Variants in NDST4 observed in about 807,000 individuals in gnomAD.
NDST4 encodes the protein N-heparan sulfate sulfotransferase 4.
Under a neutral mutation model 100.8 loss-of-function variants are expected in NDST4, and 63 were observed. That is an observed-to-expected ratio of 0.62 (90% CI 0.51 to 0.77). The LOEUF is 0.77. Among genes scored for constraint, NDST4 ranks in the 30% least tolerant of loss-of-function variants. The pLI is 0.00. For synonymous variants in NDST4, 377 were observed against 361.8 expected, an observed-to-expected ratio of 1.04 and a Z score of -0.48; for missense variants, 943 against 1,018.4, an observed-to-expected ratio of 0.93 and a Z score of 1.01.
At position 114,916,320 on chromosome 4, in the gene NDST4, G is replaced by A. The variant is rs554088296; in HGVS notation, c.1536+18886C>T. 3.5e-3 allele frequency among the ~76,000 whole-genome samples: 533 copies of A among 152,142 alleles called. 1 individual carries two copies. The highest frequency in any genetic ancestry group is 5.4e-3 in the Non-Finnish European group (369 of 67,954). On this transcript the variant is annotated intron_variant, in intron 6 of 13. Coordinates refer to ENST00000264363, the MANE Select transcript of NDST4 (RefSeq NM_022569.3). ...CACATGTGATCCATAAAAACCTGCC[G>A]AAAGTAGCACCACATTCTCTTCTAG...
At chr4:114,848,140 A>C (rs920653814) in intron 9 of NDST4, 75 bp downstream of exon 9, 1 of 1,242,324 alleles carries the variant, frequency 8.0e-7, no homozygotes, top group Non-Finnish European at 1.1e-6. Flanking sequence ...CAGATGCCAC[A>C]CATACATCTG....
chr4:115,106,875 G>A (rs1404300968), intron 1 of NDST4, among the ~76,000 whole-genome samples: 1 of 152,092 alleles, frequency 6.6e-6, no homozygotes, highest in Non-Finnish European at 1.5e-5. Context: ...ATAGCACTGA[G>A]ACCAGGCAGT....
At chr4:114,880,435 C>T (rs1724342821) in intron 6 of NDST4, among the ~76,000 whole-genome samples, 1 of 151,970 alleles carries the variant, frequency 6.6e-6, no homozygotes, top group South Asian at 2.1e-4. Flanking sequence ...GCAATGATGC[C>T]ACATAAAAGT....
At chr4:115,051,104 T>A (rs1369734013) in intron 2 of NDST4, among the ~76,000 whole-genome samples, 6 of 152,066 alleles carry the variant, frequency 3.9e-5, no homozygotes, top group Non-Finnish European at 8.8e-5. Flanking sequence ...TTACTACCTT[T>A]CAATATTTAC....
At chr4:114,865,999 A>G (rs1297216016) in intron 7 of NDST4, among the ~76,000 whole-genome samples, 1 of 152,242 alleles carries the variant, frequency 6.6e-6, no homozygotes, top group African/African-American at 2.4e-5. Context: ...AATTTTGATT[A>G]GGAAAAAATA....
chr4:114,867,646 TAAAAAAAAAAAAAAAAAGC>T (rs1226323776), intron 7 of NDST4, among the ~76,000 whole-genome samples: 6 of 26,778 alleles, frequency 2.2e-4, no homozygotes, highest in East Asian at 3.5e-3. Context: ...ATGAGAATTA[TAAAAAAAAAAAAAAAAAGC>T]AAAAAAAAAA....
At chr4:115,011,681 T>C (rs534938004) in intron 2 of NDST4, among the ~76,000 whole-genome samples, 1 of 152,076 alleles carries the variant, frequency 6.6e-6, no homozygotes, top group South Asian at 2.1e-4. Flanking sequence ...GTAGTGTCTA[T>C]TTAAATATTA....
intron 6 of NDST4, among the ~76,000 whole-genome samples, chr4:114,889,115 T>C (rs1157302496): frequency 6.6e-6 from 1 of 152,166 alleles, no homozygotes; most frequent in East Asian, 1.9e-4. Flanking sequence ...CACATATGTA[T>C]TTCCAAACCA....
intron 8 of NDST4, among the ~76,000 whole-genome samples, chr4:114,851,109 T>C (rs1022036335): frequency 1.3e-5 from 2 of 152,188 alleles, no homozygotes; most frequent in African/African-American, 4.8e-5. Flanking sequence ...CTCATGCTTC[T>C]TGTAAGAGAT....
At chr4:115,107,633 T>C (rs537144) in intron 1 of NDST4, among the ~76,000 whole-genome samples, 2 of 151,870 alleles carry the variant, frequency 1.3e-5, no homozygotes, top group Non-Finnish European at 2.9e-5. Context: ...CTTATCTTTA[T>C]AGCACTCACA....
chr4:115,057,006 T>A (rs749414064), intron 2 of NDST4, among the ~76,000 whole-genome samples: 18 of 152,268 alleles, frequency 1.2e-4, no homozygotes, highest in Admixed American at 3.3e-4. Context: ...TCTTTCTACT[T>A]CTCTTTCACA....
rs116957294 is a variant in NDST4, at chr4:114,957,381, C to T, written c.1221+13049G>A. Among the ~76,000 whole-genome samples, 173 of 152,250 alleles carry T rather than the reference C, an allele frequency of 1.1e-3. 2 individuals carry two copies. The East Asian group carries it at 0.031, about 27-fold the overall frequency. ...TCTCCCCTTTATTAAATCATCAGAT[C>T]TCATGAGATTATTCACTATCAAAAG... On this transcript the variant is annotated intron_variant, in intron 4 of 13. Transcript: ENST00000264363.
At chr4:114,883,059 C>A (rs982834406) in intron 6 of NDST4, among the ~76,000 whole-genome samples, 1 of 151,812 alleles carries the variant, frequency 6.6e-6, no homozygotes, top group African/African-American at 2.4e-5. Flanking sequence ...ACAGGAATTT[C>A]TTTGTCAGTG....
At chr4:114,963,666 T>C (rs557087830) in intron 4 of NDST4, among the ~76,000 whole-genome samples, 1 of 152,272 alleles carries the variant, frequency 6.6e-6, no homozygotes, top group Admixed American at 6.5e-5. Context: ...AGACGTCAAA[T>C]TAGTCAGTTC....
chr4:114,945,439 T>C (rs571353904), intron 4 of NDST4, among the ~76,000 whole-genome samples: 2 of 152,238 alleles, frequency 1.3e-5, no homozygotes, highest in East Asian at 3.9e-4. Context: ...GCCCACAATA[T>C]ATTTGAGATA....
rs75974849 is a variant in NDST4 at position 114,859,937 on chromosome 4, G to T, written c.1720-7116C>A. Among the ~76,000 whole-genome samples, 606 of 152,216 alleles carry T rather than the reference G, an allele frequency of 4.0e-3. 10 individuals carry two copies. Among genetic ancestry groups the T allele is most frequent in the Admixed American group, 0.027 (420 of 15,292 alleles). On this transcript the variant is annotated intron_variant, in intron 7 of 13. Transcript: ENST00000264363. ...TCTGCTTCTAGGGAACACTACCTATGGCAATGGCTATTCATATTCATACTC... is the reference window on the plus strand; with the variant it reads ...TCTGCTTCTAGGGAACACTACCTATTGCAATGGCTATTCATATTCATACTC...
Position 114,986,832 on chromosome 4 carries a change from A to ATATATATTTTTTTTTTT in NDST4, c.979-9559_979-9558insAAAAAAAAAAATATATA. ...TATATATATATATATATATATATAT[A>ATATATATTTTTTTTTTT]TTTTAATATACTATTCCTATAAGCT... On this transcript the variant is annotated intron_variant, in intron 2 of 13. Transcript: ENST00000264363. 1.6e-4 allele frequency among the ~76,000 whole-genome samples: 15 copies of ATATATATTTTTTTTTTT among 94,650 alleles called. 1 individual carries two copies. The highest frequency in any genetic ancestry group is 4.3e-4 in the South Asian group (1 of 2,336). 62.1% of individuals were successfully genotyped at this position (94,650 alleles called of 152,430 possible). A position where few individuals can be genotyped will look rare whatever the true frequency, so the allele number is the denominator to read the frequency against.
In NDST4 at chr4:114,836,447, C is replaced by T. The variant is rs1028503287; in HGVS notation, c.2287-2732G>A. 2.0e-5 allele frequency among the ~76,000 whole-genome samples: 3 copies of T among 152,098 alleles called. 1 individual carries two copies. The highest frequency in any genetic ancestry group is 2.0e-4 in the Admixed American group (3 of 15,270). The stretch of plus-strand genomic sequence containing the variant: ...CTTTAAGGGTGTTTAATATTGGCCC[C>T]CACTCTCTTCTGGCTTGTAGGGGTT... On this transcript the variant is annotated intron_variant, in intron 11 of 13. Coordinates refer to ENST00000264363, the MANE Select transcript of NDST4 (RefSeq NM_022569.3).
intron 11 of NDST4, among the ~76,000 whole-genome samples, chr4:114,836,505 C>T (rs1470419077): frequency 6.6e-6 from 1 of 152,144 alleles, no homozygotes; most frequent in African/African-American, 2.4e-5. Context: ...TGATGGACTT[C>T]CCTTTGTAGG....
Sources: gnomAD v4.1 joint callset for allele counts (sites outside exome capture counted in the v4.1 genomes callset) on GRCh38, gnomAD v4.1.1 for gene constraint, MANE v1.5 for transcripts, NCBI Gene and HGNC (gene_info 2026-07-23, HGNC 2026-07-21) for gene names.